CNTNAP3: variants seen among roughly 807,000 people sequenced by gnomAD.
The protein encoded by CNTNAP3 is contactin associated protein family member 3, also known as contactin-associated protein-like 3.
In CNTNAP3, 36 loss-of-function variants were observed where a neutral mutation model predicts 92.1. That is an observed-to-expected ratio of 0.39 (90% confidence interval 0.30 to 0.52). The LOEUF (loss-of-function observed/expected upper bound fraction) is 0.52, where lower values mean the gene tolerates loss of function less well. Among genes scored for constraint, CNTNAP3 ranks in the 20% least tolerant of loss-of-function variants. CNTNAP3 has a pLI of 0.76. For missense variants in CNTNAP3, 534 were observed against 1,069.6 expected (o/e 0.50, Z 6.98); for synonymous variants, 232 against 422.3 (o/e 0.55, Z 5.53).
Position 39,071,158 on chromosome 9 carries a change from T to C in CNTNAP3, c.*2732A>G, listed in dbSNP as rs1041462005. Among the ~76,000 whole-genome samples, 25 of 152,232 alleles carry C rather than the reference T, an allele frequency of 1.6e-4. No individual in the cohort carries two copies. Among genetic ancestry groups the C allele is most frequent in the African/African-American group, 6.0e-4 (25 of 41,520 alleles). Reference sequence around the variant, plus strand: ...TGACTTATCCTACTCCATGTCTCTATTACAATGAAAGATCATACACAGTCT... The same window carrying C: ...TGACTTATCCTACTCCATGTCTCTACTACAATGAAAGATCATACACAGTCT... On this transcript the variant is annotated 3_prime_UTR_variant, in exon 24 of 24. Transcript: ENST00000297668.
intron 12 of CNTNAP3, among the ~76,000 whole-genome samples, chr9:39,138,389 T>G (rs1349357706): frequency 6.9e-6 from 1 of 145,898 alleles, no homozygotes; most frequent in East Asian, 2.0e-4. Flanking sequence ...CACCCTTACT[T>G]GGGGACAGGA....
intron 9 of CNTNAP3, among the ~76,000 whole-genome samples, chr9:39,151,627 C>A (rs1821845798): frequency 1.4e-5 from 2 of 142,488 alleles, no homozygotes; most frequent in Non-Finnish European, 3.1e-5. Context: ...ATGCCATAGA[C>A]CGTGATTTGT....
intron 14 of CNTNAP3, among the ~76,000 whole-genome samples, chr9:39,111,598 A>G (rs1369891868): frequency 6.6e-6 from 1 of 152,180 alleles, no homozygotes; most frequent in Non-Finnish European, 1.5e-5. Flanking sequence ...AGGTAGGTCT[A>G]GGAAATTTTT....
rs190147353 is a variant in CNTNAP3 at position 39,113,663 on chromosome 9, T to C, written c.2238-4376A>G. On this transcript the variant is annotated intron_variant, in intron 14 of 23. Coordinates refer to ENST00000297668, the MANE Select transcript of CNTNAP3 (RefSeq NM_033655.5). ...GACACACGCATGAACTTTTAAAAATTATATATTCATTATTGATTACAGTTA... is the reference window on the plus strand; with the variant it reads ...GACACACGCATGAACTTTTAAAAATCATATATTCATTATTGATTACAGTTA... 1.1e-4 allele frequency among the ~76,000 whole-genome samples: 16 copies of C among 152,232 alleles called. No homozygotes were observed. In the East Asian group the frequency reaches 3.1e-3, roughly 29 times the overall value.
In CNTNAP3 at chr9:39,246,256, G is replaced by A. The variant is rs1236087332; in HGVS notation, c.197-7070C>T. 4.0e-4 allele frequency among the ~76,000 whole-genome samples: 2 copies of A among 5,036 alleles called. 1 individual carries two copies. Among genetic ancestry groups the A allele is most frequent in the African/African-American group, 4.2e-4 (2 of 4,716 alleles). 3.3% of individuals were successfully genotyped at this position (5,036 alleles called of 152,430 possible). ...TTAAATGACTCAGCCTATAACCTCC[G>A]TTATCTCCACCACATCTTGATTTTT... On this transcript the variant is annotated intron_variant, in intron 2 of 23. Coordinates refer to ENST00000297668, the MANE Select transcript of CNTNAP3 (RefSeq NM_033655.5).
In CNTNAP3 at chr9:39,094,132, G is replaced by C. The variant is rs538564548; in HGVS notation, c.2996-5485C>G. Reference sequence around the variant, plus strand: ...TATTTCTTTAATAACTAATGATGTTGAGTATCATCTTTCCATGTGATTATT... The same window carrying C: ...TATTTCTTTAATAACTAATGATGTTCAGTATCATCTTTCCATGTGATTATT... On this transcript the variant is annotated intron_variant, in intron 18 of 23. Coordinates refer to ENST00000297668, the MANE Select transcript of CNTNAP3 (RefSeq NM_033655.5). Among the ~76,000 whole-genome samples, 8 of 151,564 alleles carry C rather than the reference G, an allele frequency of 5.3e-5. No individual in the cohort carries two copies. In the South Asian group the frequency reaches 1.5e-3, roughly 28 times the overall value.
chr9:39,179,286 T>TCTACACACAC (rs1491209886), intron 4 of CNTNAP3, among the ~76,000 whole-genome samples: 9 of 80,722 alleles, frequency 1.1e-4, no homozygotes, highest in African/African-American at 5.1e-4. Flanking sequence ...TCTCTCTCTC[T>TCTACACACAC]ACACACACAC....
chr9:39,108,280 C>T (rs543121022), intron 15 of CNTNAP3, among the ~76,000 whole-genome samples: 21 of 152,190 alleles, frequency 1.4e-4, no homozygotes, highest in South Asian at 8.3e-4. Context: ...GGTCCCCCCC[C>T]TCTCTGGGGA....
Position 39,065,460 on chromosome 9 carries a change from G to A in CNTNAP3, c.*8430C>T, listed in dbSNP as rs202178840. On this transcript the variant is annotated 3_prime_UTR_variant, in exon 24 of 24. Coordinates refer to ENST00000297668, the MANE Select transcript of CNTNAP3 (RefSeq NM_033655.5). ...ACGTTCTTGTGTAAGTCTTATAATG[G>A]GCATAAGTTTTCATTTCTTTTCAAT... 6.6e-6 allele frequency among the ~76,000 whole-genome samples: 1 copy of A among 151,382 alleles called. No homozygotes were observed. The highest frequency in any genetic ancestry group is 1.5e-5 in the Non-Finnish European group (1 of 67,898).
chr9:39,140,454 C>T lies in CNTNAP3; in HGVS notation c.1876+65G>A. ...TATCAAACTGCATGTTTTAATAATG[C>T]TGCCAACTAGGTAAATTTCTCCTTG... On this transcript the variant is annotated intron_variant, in intron 12 of 23. Transcript: ENST00000297668. 2.5e-6 allele frequency: 4 copies of T among 1,585,238 alleles called. No individual in the cohort carries two copies. In the East Asian group the frequency reaches 6.9e-5, roughly 27 times the overall value.
At chr9:39,081,109 G>C (rs1346398230) in intron 21 of CNTNAP3, among the ~76,000 whole-genome samples, 1 of 151,672 alleles carries the variant, frequency 6.6e-6, no homozygotes, top group Non-Finnish European at 1.5e-5. Flanking sequence ...TGGAAAATCT[G>C]AAAGAAAGGC....
intron 18 of CNTNAP3, 47 bp downstream of exon 18, chr9:39,099,864 T>A: frequency 3.8e-6 from 6 of 1,593,180 alleles, no homozygotes; most frequent in Non-Finnish European, 5.1e-6. Context: ...TCATGTTATT[T>A]AAGTTTCATG....
Position 39,099,751 on chromosome 9 carries a change from T to C in CNTNAP3, c.2995+160A>G, listed in dbSNP as rs1278932470. ...AGCCTTAAGTTTTCAAAAACAGTCA[T>C]ATCCCTTCTAAATTCAATAGAGGAA... On this transcript the variant is annotated intron_variant, in intron 18 of 23. Transcript: ENST00000297668. 3 of 851,054 alleles carry C rather than the reference T, an allele frequency of 3.5e-6. No individual in the cohort carries two copies. In the African/African-American group the frequency reaches 5.1e-5, roughly 15 times the overall value. The allele number at this position is 851,054 out of a possible 1,614,324, so 52.7% of individuals were successfully genotyped here.
rs1196398366 is a variant in CNTNAP3, at chr9:39,100,160, A to G, written c.2756-10T>C. On this transcript the variant is annotated splice_polypyrimidine_tract_variant and intron_variant, in intron 17 of 23. Transcript: ENST00000297668. ...CTGGTGGCCGTTCCACCTACAACGG[A>G]AACACTGCAAATAGAAATGTGTTCC... 9 of 1,564,330 alleles carry G rather than the reference A, an allele frequency of 5.8e-6. No individual in the cohort carries two copies. The highest frequency in any genetic ancestry group is 7.8e-6 in the Non-Finnish European group (9 of 1,151,424).
chr9:39,091,772 A>C (rs2118444086), intron 18 of CNTNAP3, among the ~76,000 whole-genome samples: 2 of 151,968 alleles, frequency 1.3e-5, no homozygotes, highest in South Asian at 4.1e-4. Context: ...GTTTTGAAGA[A>C]TACTTCTTAT....
Position 39,099,911 on chromosome 9 carries a change from C to T in CNTNAP3, c.2995G>A (p.Glu999Lys). 1 of 1,611,102 alleles carries T rather than the reference C, an allele frequency of 6.2e-7. No individual in the cohort carries two copies. The highest frequency in any genetic ancestry group is 8.5e-7 in the Non-Finnish European group (1 of 1,179,386). ...SAYDGPFCSNEISAYFATGSS... is the reference protein window; with the variant it reads ...SAYDGPFCSNKISAYFATGSS... ...TAACCTGCTCCTTGGTCACACTTACCATTGGAGCAGAACGGCCCATCATAG... is the reference window on the plus strand; with the variant it reads ...TAACCTGCTCCTTGGTCACACTTACTATTGGAGCAGAACGGCCCATCATAG... Residue 999 changes from glutamate (E) to lysine (K), a missense_variant and splice_region_variant, in exon 18 of 24, where the codon GAG becomes AAG. Glu to Lys is a moderately conservative substitution (Grantham distance 56, BLOSUM62 1). Transcript: ENST00000297668.
Position 39,103,847 on chromosome 9 carries a change from T to A in CNTNAP3, c.2433A>T (p.Gly811=), listed in dbSNP as rs1482994009. ...AGAAGCACACGTCAGCAGTGAGTTC[T>A]CCGTGGAAAGCAGGGAAATGAAGGT... The part of the protein sequence containing the change: ...TSYLHFPAFH[G]ELTADVCFFF... Residue 811 remains glycine (G), a synonymous_variant, in exon 16 of 24, where the codon GGA becomes GGT. Coordinates refer to ENST00000297668, the MANE Select transcript of CNTNAP3 (RefSeq NM_033655.5). 2 of 1,611,158 alleles carry A rather than the reference T, an allele frequency of 1.2e-6. No homozygotes were observed. The highest frequency in any genetic ancestry group is 3.3e-5 in the Admixed American group (2 of 59,958).
rs1206976162 is a variant in CNTNAP3 at position 39,066,612 on chromosome 9, G to A, written c.*7278C>T. On this transcript the variant is annotated 3_prime_UTR_variant, in exon 24 of 24. Transcript: ENST00000297668. ...TTTGTTTCATCCTTTCTTGAAAGAC[G>A]GTTTTGCTGGGTATAGAAACCTAGG... Among the ~76,000 whole-genome samples the A allele has an allele frequency of 1.3e-5, 2 of 152,342 alleles. No homozygotes were observed. Among genetic ancestry groups the A allele is most frequent in the South Asian group, 2.1e-4 (1 of 4,832 alleles).
At position 39,072,192 on chromosome 9, in the gene CNTNAP3, C is replaced by T. The variant is rs1378883995; in HGVS notation, c.*1698G>A. On this transcript the variant is annotated 3_prime_UTR_variant, in exon 24 of 24. Coordinates refer to ENST00000297668, the MANE Select transcript of CNTNAP3 (RefSeq NM_033655.5). ...CTGAGAAGAGATCATTTGTTAAGAG[C>T]GGATTTAAGACAGAGAGTGTATTCA... Among the ~76,000 whole-genome samples the T allele has an allele frequency of 4.4e-5, 5 of 114,372 alleles. No individual in the cohort carries two copies. The highest frequency in any genetic ancestry group is 1.6e-4 in the African/African-American group (4 of 24,576). The allele number at this position is 114,372 out of a possible 152,430, so 75.0% of individuals were successfully genotyped here. A position where few individuals can be genotyped will look rare whatever the true frequency, so the allele number is the denominator to read the frequency against.
Sources: gnomAD v4.1 joint callset for allele counts (sites outside exome capture counted in the v4.1 genomes callset) on GRCh38, gnomAD v4.1.1 for gene constraint, MANE v1.5 for transcripts, NCBI Gene and HGNC (gene_info 2026-07-23, HGNC 2026-07-21) for gene names.